EPM2A: variants seen among roughly 807,000 people sequenced by gnomAD.
The protein encoded by EPM2A is EPM2A glucan phosphatase, laforin.
Under a neutral mutation model 26.5 loss-of-function variants are expected in EPM2A, and 21 were observed. The ratio of observed to expected loss-of-function variants is 0.79; its 90% confidence interval spans 0.56 to 1.14. EPM2A has a LOEUF of 1.14. EPM2A is among the 50% of genes most tolerant of loss of function. The pLI, the probability that EPM2A is intolerant of heterozygous loss-of-function variation, is 0.00. For missense variants in EPM2A, 458 were observed against 440.8 expected (o/e 1.04, Z -0.35); for synonymous variants, 217 against 177.6 (o/e 1.22, Z -1.76).
intron 2 of EPM2A, among the ~76,000 whole-genome samples, chr6:145,520,742 A>G (rs1780191571): frequency 6.6e-6 from 1 of 152,246 alleles, no homozygotes; most frequent in South Asian, 2.1e-4. Flanking sequence ...AAATCTTTAA[A>G]GGACTCCAGG....
intron 2 of EPM2A, among the ~76,000 whole-genome samples, chr6:145,684,007 TAAGAG>T (rs1219917852): frequency 2.6e-5 from 4 of 152,072 alleles, no homozygotes; most frequent in African/African-American, 4.8e-5. Context: ...ATAGTTCCAG[TAAGAG>T]AAGAGAACTT....
intron 4 of EPM2A, among the ~76,000 whole-genome samples, chr6:145,457,566 T>C (rs966812824): frequency 1.3e-5 from 2 of 152,134 alleles, no homozygotes; most frequent in Non-Finnish European, 2.9e-5. Context: ...AGTGCATCTC[T>C]TTTGCATTCC....
At chr6:145,644,853 C>A (rs1777344814) in intron 2 of EPM2A, among the ~76,000 whole-genome samples, 1 of 152,026 alleles carries the variant, frequency 6.6e-6, no homozygotes, top group African/African-American at 2.4e-5. Flanking sequence ...CCTTAAATTA[C>A]CCAAGGATCC....
chr6:145,575,914 G>C (rs921424640), intron 2 of EPM2A, among the ~76,000 whole-genome samples: 3 of 152,182 alleles, frequency 2.0e-5, no homozygotes, highest in Non-Finnish European at 4.4e-5. Context: ...GTGTCCTCTA[G>C]AGGGACAGAC....
chr6:145,671,195 A>C, intron 2 of EPM2A: 1 of 298,174 alleles, frequency 3.4e-6, no homozygotes, highest in Non-Finnish European at 4.9e-6. Context: ...CGAGCAAAGT[A>C]AAAAAAAAAA....
intron 2 of EPM2A, among the ~76,000 whole-genome samples, chr6:145,553,852 T>TATAAATATAAATATAA (rs1780686766): frequency 6.8e-6 from 1 of 147,752 alleles, no homozygotes; most frequent in Non-Finnish European, 1.5e-5. Context: ...TATATATGTA[T>TATAAATATAAATATAA]ATAAATACAT....
At chr6:145,441,632 G>A (rs1779064486) in intron 4 of EPM2A, among the ~76,000 whole-genome samples, 1 of 152,158 alleles carries the variant, frequency 6.6e-6, no homozygotes, top group Non-Finnish European at 1.5e-5. Context: ...GGGAGGCTGA[G>A]GCAGGTGGAT....
At chr6:145,393,432 C>CA (rs34904009) in intron 4 of EPM2A, among the ~76,000 whole-genome samples, 7,035 of 147,130 alleles carry the variant, frequency 0.048, 236 homozygotes, top group Admixed American at 0.11. Context: ...AAATGTGGCT[C>CA]AAAAAAAAAA....
At chr6:145,670,519 A>G (rs1257671080) in intron 2 of EPM2A, 1 of 152,262 alleles carries the variant, frequency 6.6e-6, no homozygotes, top group South Asian at 2.1e-4. Flanking sequence ...TTACAATTGT[A>G]CTGATTCCAG....
chr6:145,432,998 T>G (rs1778941107), intron 4 of EPM2A, among the ~76,000 whole-genome samples: 1 of 152,158 alleles, frequency 6.6e-6, no homozygotes, highest in South Asian at 2.1e-4. Flanking sequence ...CTCTCAGACT[T>G]CATATAATAG....
At chr6:145,727,071 T>C (rs1010372759) in intron 1 of EPM2A, among the ~76,000 whole-genome samples, 1 of 152,140 alleles carries the variant, frequency 6.6e-6, no homozygotes, top group Admixed American at 6.5e-5. Context: ...TAATTTATCA[T>C]ACCTTAAAAT....
chr6:145,565,367 C>T (rs1198752692), intron 2 of EPM2A, among the ~76,000 whole-genome samples: 1 of 152,176 alleles, frequency 6.6e-6, no homozygotes, highest in African/African-American at 2.4e-5. Context: ...ACCCGTGCAG[C>T]TGTATCTTCA....
intron 2 of EPM2A, among the ~76,000 whole-genome samples, chr6:145,681,028 T>C (rs1780489473): frequency 6.6e-6 from 1 of 152,116 alleles, no homozygotes. Context: ...AGTGTTCCTA[T>C]TTCTCCACAT....
At chr6:145,399,149 A>G (rs952957317) in intron 4 of EPM2A, among the ~76,000 whole-genome samples, 2 of 152,296 alleles carry the variant, frequency 1.3e-5, no homozygotes, top group Admixed American at 1.3e-4. Flanking sequence ...TTACAATGTC[A>G]TGTAAATGGA....
chr6:145,588,011 C>T (rs1306983667), intron 2 of EPM2A, among the ~76,000 whole-genome samples: 2 of 152,126 alleles, frequency 1.3e-5, no homozygotes, highest in Non-Finnish European at 2.9e-5. Flanking sequence ...ATTCAATTAT[C>T]TTTCATTCTT....
chr6:145,389,254 A>G (rs1046653277), intron 4 of EPM2A, among the ~76,000 whole-genome samples: 11 of 151,128 alleles, frequency 7.3e-5, no homozygotes, highest in African/African-American at 2.7e-4. Flanking sequence ...GTGCAGTGGC[A>G]CATCGGCTCA....
At chr6:145,726,136 A>T (rs1776193524) in intron 1 of EPM2A, among the ~76,000 whole-genome samples, 1 of 152,086 alleles carries the variant, frequency 6.6e-6, no homozygotes, top group Non-Finnish European at 1.5e-5. Context: ...AAAGTAAGGA[A>T]GTGCTCAAAA....
rs565660447 is a variant in EPM2A, at chr6:145,610,146, G to T, written c.340+25099C>A. On this transcript the variant is annotated intron_variant, in intron 2 of 3. Coordinates refer to the EPM2A transcript ENST00000450221. ...AGAGAACTGCTTAAACCCGGGAGGA[G>T]GAGGTTGCAGTGAGCCAAGATCGTG... is the stretch of plus-strand genomic sequence containing the variant. Among the ~76,000 whole-genome samples, 5 of 152,026 alleles carry T rather than the reference G, an allele frequency of 3.3e-5. No homozygotes were observed. In the South Asian group the frequency reaches 1.0e-3, roughly 32 times the overall value.
chr6:145,448,756 A>G (rs1779155993), intron 4 of EPM2A, among the ~76,000 whole-genome samples: 1 of 152,224 alleles, frequency 6.6e-6, no homozygotes, highest in South Asian at 2.1e-4. Context: ...GGAAAATGAA[A>G]GCACAGAGAT....
Sources: allele counts gnomAD v4.1 joint callset (sites outside exome capture counted in the v4.1 genomes callset), GRCh38; gene constraint gnomAD v4.1.1; transcripts MANE v1.5; gene names NCBI Gene and HGNC (gene_info 2026-07-23, HGNC 2026-07-21).